Variants in ALOX5AP observed in about 807,000 individuals in gnomAD.
ALOX5AP encodes arachidonate 5-lipoxygenase-activating protein.
Under a neutral mutation model 18.5 loss-of-function variants are expected in ALOX5AP, and 9 were observed. The ratio of observed to expected loss-of-function variants is 0.49; its 90% CI spans 0.29 to 0.85. The LOEUF (loss-of-function observed/expected upper bound fraction) is 0.85, where lower values mean the gene tolerates loss of function less well. Ranked by LOEUF, ALOX5AP falls within the 40% of genes least tolerant of loss-of-function variation. The pLI, the probability that ALOX5AP is intolerant of heterozygous loss-of-function variation, is 0.08. For synonymous variants in ALOX5AP, 81 were observed against 78.6 expected (o/e 1.03, Z -0.16); for missense variants, 172 against 202.5 (o/e 0.85, Z 0.91).
intron 4 of ALOX5AP, among the ~76,000 whole-genome samples, chr13:30,761,565 G>C (rs2137834094): frequency 6.6e-6 from 1 of 152,246 alleles, no homozygotes; most frequent in Non-Finnish European, 1.5e-5. Flanking sequence ...GCACTAGCAG[G>C]GGACTCTGTA....
At chr13:30,733,158 CAAAAAAA>C (rs34069656), upstream of ALOX5AP, among the ~76,000 whole-genome samples, 1 of 82,294 alleles carries the variant, frequency 1.2e-5, no homozygotes, top group East Asian at 3.5e-4. Flanking sequence ...GACTCCGTCT[CAAAAAAA>C]AAAAAAAAAA....
At chr13:30,762,018 T>C (rs1276632863) in intron 4 of ALOX5AP, among the ~76,000 whole-genome samples, 1 of 152,198 alleles carries the variant, frequency 6.6e-6, no homozygotes, top group African/African-American at 2.4e-5. Flanking sequence ...TCTTATCTCA[T>C]GAACATGACT....
intron 1 of ALOX5AP, among the ~76,000 whole-genome samples, chr13:30,727,181 G>A (rs534519285): frequency 6.6e-6 from 1 of 152,114 alleles, no homozygotes; most frequent in Non-Finnish European, 1.5e-5. Flanking sequence ...AGCCTCCAGA[G>A]TAGCTGGGAT....
At chr13:30,743,467 C>T (rs780811085) in intron 1 of ALOX5AP, among the ~76,000 whole-genome samples, 1 of 151,940 alleles carries the variant, frequency 6.6e-6, no homozygotes, top group Non-Finnish European at 1.5e-5. Context: ...TTCATCACCT[C>T]CCTCTTTGGC....
intron 1 of ALOX5AP, among the ~76,000 whole-genome samples, chr13:30,729,828 G>T (rs17216473): frequency 6.6e-6 from 1 of 151,962 alleles, no homozygotes; most frequent in Admixed American, 6.5e-5. Flanking sequence ...TGCCTGCCTC[G>T]GCCTCCCACA....
intron 1 of ALOX5AP, among the ~76,000 whole-genome samples, chr13:30,717,099 C>T (rs1173793198): frequency 6.6e-6 from 1 of 152,220 alleles, no homozygotes; most frequent in Non-Finnish European, 1.5e-5. Context: ...ACATCACTCA[C>T]AGTCCCTGCT....
chr13:30,748,846 C>T (rs1440522683), intron 2 of ALOX5AP, among the ~76,000 whole-genome samples: 1 of 152,200 alleles, frequency 6.6e-6, no homozygotes, highest in African/African-American at 2.4e-5. Flanking sequence ...CTCACATAGC[C>T]CATAAGAGGC....
At chr13:30,763,828 G>C in intron 4 of ALOX5AP, 116 bp from the exon 5 acceptor site, 1 of 919,136 alleles carries the variant, frequency 1.1e-6, no homozygotes, top group Non-Finnish European at 1.7e-6. Context: ...GAGCATTGTT[G>C]AGTCCAGGGA....
chr13:30,759,382 C>T (rs1951922663), intron 4 of ALOX5AP, among the ~76,000 whole-genome samples: 1 of 152,094 alleles, frequency 6.6e-6, no homozygotes, highest in African/African-American at 2.4e-5. Flanking sequence ...CTCAGGTTAC[C>T]CCACTCCTCC....
In ALOX5AP at chr13:30,764,091, A is replaced by G. The variant is rs1188250344; in HGVS notation, c.471A>G (p.Leu157=). The G allele has an allele frequency of 6.2e-7, 1 of 1,613,788 alleles. No homozygotes were observed. Among genetic ancestry groups the G allele is most frequent in the Non-Finnish European group, 8.5e-7 (1 of 1,179,930 alleles). ...IKTISTTISP[L]LLIP is the part of the protein sequence containing the mutation. ...CGATCTCCACCACCATCTCCCCTCTACTTCTCATTCCCTAACTCTCTGCTG... is the reference window on the plus strand; with the variant it reads ...CGATCTCCACCACCATCTCCCCTCTGCTTCTCATTCCCTAACTCTCTGCTG... The change falls in exon 5 of 5, where the codon CTA becomes CTG. Residue 157 remains leucine, a synonymous_variant. Transcript: ENST00000380490.
intron 1 of ALOX5AP, among the ~76,000 whole-genome samples, chr13:30,719,061 C>T (rs1351085320): frequency 6.6e-6 from 1 of 152,206 alleles, no homozygotes; most frequent in Non-Finnish European, 1.5e-5. Context: ...CCCACGAACT[C>T]AGGCATCACA....
At chr13:30,746,477 C>A (rs951925587) in intron 2 of ALOX5AP, among the ~76,000 whole-genome samples, 9 of 152,342 alleles carry the variant, frequency 5.9e-5, no homozygotes, top group African/African-American at 1.9e-4. Flanking sequence ...CCTCCCTGGG[C>A]CAGCAACATA....
At chr13:30,718,874 A>T (rs986008624) in intron 1 of ALOX5AP, among the ~76,000 whole-genome samples, 4 of 152,226 alleles carry the variant, frequency 2.6e-5, no homozygotes, top group Non-Finnish European at 5.9e-5. Flanking sequence ...GTTCACAGAG[A>T]ATGTGGGCAC....
chr13:30,744,345 T>C, intron 2 of ALOX5AP, 186 bp downstream of exon 2: 1 of 551,180 alleles, frequency 1.8e-6, no homozygotes, highest in Non-Finnish European at 3.3e-6. Flanking sequence ...TAGTGAGTGC[T>C]AGTGTCAAAA....
chr13:30,756,851 C>T (rs930513920), intron 4 of ALOX5AP, among the ~76,000 whole-genome samples: 3 of 146,772 alleles, frequency 2.0e-5, no homozygotes, highest in African/African-American at 7.6e-5. Flanking sequence ...GATGCAGACA[C>T]GAGACTGTGA....
intron 1 of ALOX5AP, among the ~76,000 whole-genome samples, chr13:30,719,797 A>T (rs992912731): frequency 1.3e-5 from 2 of 152,106 alleles, no homozygotes; most frequent in African/African-American, 4.8e-5. Flanking sequence ...TTGTAATTCA[A>T]TCACAGCCTG....
chr13:30,715,424 G>A (rs888377848), intron 1 of ALOX5AP, among the ~76,000 whole-genome samples: 1 of 152,214 alleles, frequency 6.6e-6, no homozygotes, highest in African/African-American at 2.4e-5. Context: ...CCAGAGTGAA[G>A]GTGGTGAGTG....
At chr13:30,717,810 C>T (rs1283077385) in intron 1 of ALOX5AP, among the ~76,000 whole-genome samples, 4 of 152,090 alleles carry the variant, frequency 2.6e-5, no homozygotes, top group South Asian at 4.1e-4. Context: ...AAGACACCCA[C>T]ATTCTTTCCC....
intron 3 of ALOX5AP, among the ~76,000 whole-genome samples, chr13:30,753,069 G>A (rs1951864923): frequency 6.6e-6 from 1 of 152,222 alleles, no homozygotes; most frequent in Admixed American, 6.5e-5. Flanking sequence ...GATAAATAAA[G>A]AGTAGCTTCT....
Sources: gnomAD v4.1 joint callset for allele counts (sites outside exome capture counted in the v4.1 genomes callset) on GRCh38, gnomAD v4.1.1 for gene constraint, MANE v1.5 for transcripts, NCBI Gene and HGNC (gene_info 2026-07-23, HGNC 2026-07-21) for gene names.